The following CHMP2B variants were observed in gnomAD, a reference collection of about 807,000 sequenced individuals.
CHMP2B encodes VPS2 homolog B.
Under a neutral mutation model 29.8 loss-of-function variants are expected in CHMP2B, and 22 were observed. The ratio of observed to expected loss-of-function variants is 0.74; its 90% confidence interval spans 0.53 to 1.05. The LOEUF (loss-of-function observed/expected upper bound fraction) is 1.05. Ranked by LOEUF, CHMP2B falls within the 50% of genes least tolerant of loss-of-function variation. The probability of loss-of-function intolerance (pLI) is 0.00; values close to 1 mark genes in which losing one functional copy is unlikely to be tolerated. For missense variants in CHMP2B, 261 were observed against 252.2 expected (o/e 1.03, Z -0.24); for synonymous variants, 78 against 75.8 (o/e 1.03, Z -0.15).
chr3:87,249,844 A>C (rs1221370731), intron 3 of CHMP2B, 31 bp from the exon 4 acceptor site: 1 of 1,337,086 alleles, frequency 7.5e-7, no homozygotes, highest in Admixed American at 1.7e-5. Context: ...TAATTATGGA[A>C]GTAACATGAA....
At chr3:87,231,197 T>C (rs563759352) in intron 1 of CHMP2B, among the ~76,000 whole-genome samples, 1 of 152,130 alleles carries the variant, frequency 6.6e-6, no homozygotes, top group Admixed American at 6.6e-5. Flanking sequence ...TATCCAACAA[T>C]TTGCTGAATA....
At chr3:87,248,333 ATT>A (rs1559609913) in intron 3 of CHMP2B, among the ~76,000 whole-genome samples, 1 of 150,522 alleles carries the variant, frequency 6.6e-6, no homozygotes, top group Non-Finnish European at 1.5e-5. Context: ...TTCGGTATAC[ATT>A]TTGTTTCTCA....
chr3:87,234,324 A>C (rs1251927748), intron 1 of CHMP2B, among the ~76,000 whole-genome samples: 1 of 152,066 alleles, frequency 6.6e-6, no homozygotes, highest in Non-Finnish European at 1.5e-5. Context: ...TTTTGTAAGC[A>C]GATAAACCAT....
chr3:87,240,658 T>C (rs760532748), intron 1 of CHMP2B, 41 bp from the exon 2 acceptor site: 1 of 1,358,504 alleles, frequency 7.4e-7, no homozygotes, highest in Non-Finnish European at 1.1e-6. Flanking sequence ...ATTGAAAATT[T>C]TACAACCCAT....
chr3:87,250,041 C>T, intron 4 of CHMP2B, 64 bp downstream of exon 4: 1 of 963,466 alleles, frequency 1.0e-6, no homozygotes, highest in Non-Finnish European at 1.6e-6. Flanking sequence ...CATTTATTTA[C>T]TATGTCTCAT....
In CHMP2B at chr3:87,255,431, G is replaced by C. The variant is rs1352991672; in HGVS notation, c.*1609G>C. On this transcript the variant is annotated 3_prime_UTR_variant, in exon 6 of 6. Coordinates refer to ENST00000263780, the MANE Select transcript of CHMP2B (RefSeq NM_014043.4). Reference sequence around the variant, plus strand: ...TTTACGTTCTTGTTTACATGTGGGAGCTTTTGTTTTCAAAAATTATTTTGT... The same window carrying C: ...TTTACGTTCTTGTTTACATGTGGGACCTTTTGTTTTCAAAAATTATTTTGT... 6.6e-6 allele frequency: 1 copy of C among 152,224 alleles called. No homozygotes were observed. The highest frequency in any genetic ancestry group is 1.9e-4 in the East Asian group (1 of 5,184). 9.4% of individuals were successfully genotyped at this position (152,224 alleles called of 1,614,324 possible).
intron 2 of CHMP2B, among the ~76,000 whole-genome samples, chr3:87,243,907 G>C (rs1167651349): frequency 6.6e-6 from 1 of 150,568 alleles, no homozygotes. Flanking sequence ...TCATCAGCCT[G>C]GCTAGTGGTT....
At chr3:87,249,070 G>A (rs974163383) in intron 3 of CHMP2B, among the ~76,000 whole-genome samples, 5 of 152,068 alleles carry the variant, frequency 3.3e-5, no homozygotes, top group Admixed American at 1.3e-4. Context: ...AAACCTAGGT[G>A]ATACAGCCTA....
At chr3:87,231,001 T>TA (rs1575961740) in intron 1 of CHMP2B, among the ~76,000 whole-genome samples, 1 of 152,134 alleles carries the variant, frequency 6.6e-6, no homozygotes, top group Non-Finnish European at 1.5e-5. Context: ...TGTATTTATT[T>TA]TTTTTTCTTT....
intron 4 of CHMP2B, among the ~76,000 whole-genome samples, chr3:87,251,996 A>G (rs1706320863): frequency 6.6e-6 from 1 of 151,938 alleles, no homozygotes; most frequent in South Asian, 2.1e-4. Flanking sequence ...GAGCATATTG[A>G]CTAAATTCCT....
rs149380040 is a variant in CHMP2B at position 87,253,761 on chromosome 3, C to T, written c.581C>T (p.Ser194Leu). 188 of 1,612,428 alleles carry T rather than the reference C, an allele frequency of 1.2e-4. No homozygotes were observed. Among genetic ancestry groups the T allele is most frequent in the Non-Finnish European group, 1.3e-4 (159 of 1,178,854 alleles). ...CGAAGCTTACCATCTGCCTCTACTT[C>T]AAAGGCTACAATCTCAGATGAAGAG... Reference protein sequence around the residue: ...AARSLPSASTSKATISDEEIE... With the variant: ...AARSLPSASTLKATISDEEIE... Residue 194 changes from serine (S) to leucine (L), a missense_variant, in exon 6 of 6, where the codon TCA becomes TTA. Transcript: ENST00000263780.
At position 87,253,914 on chromosome 3, in the gene CHMP2B, C is replaced by CAAA; in HGVS notation, c.*104_*106dup. On this transcript the variant is annotated 3_prime_UTR_variant, in exon 6 of 6. Coordinates refer to ENST00000263780, the MANE Select transcript of CHMP2B (RefSeq NM_014043.4). ...TCTTTTACAAAACACATGTATTTTGCAAAAAAAAAAAAAATGAAGACCATG... is the reference window on the plus strand; with the variant it reads ...TCTTTTACAAAACACATGTATTTTGCAAAAAAAAAAAAAAAAATGAAGACCATG... 8.3e-6 allele frequency: 5 copies of CAAA among 601,754 alleles called. No individual in the cohort carries two copies. The highest frequency in any genetic ancestry group is 4.5e-4 in the Middle Eastern group (1 of 2,216). 37.3% of individuals were successfully genotyped at this position (601,754 alleles called of 1,614,324 possible).
At position 87,245,805 on chromosome 3, in the gene CHMP2B, C is replaced by T. The variant is rs192188850; in HGVS notation, c.218C>T (p.Thr73Met). ...KQLVHLRKQK[T>M]RTFAVSSKVT... The stretch of plus-strand genomic sequence containing the variant: ...CTTGTGCATCTACGGAAACAGAAGA[C>T]GAGAACTTTTGCTGTAAGTTCAAAA... The change falls in exon 3 of 6, where the codon ACG (threonine) becomes ATG (methionine). Residue 73 changes from threonine (T) to methionine (M), a missense_variant. Physicochemically the swap from Thr to Met is moderately conservative, Grantham distance 81. Coordinates refer to ENST00000263780, the MANE Select transcript of CHMP2B (RefSeq NM_014043.4). 4.2e-5 allele frequency: 68 copies of T among 1,613,712 alleles called. No individual in the cohort carries two copies. The Admixed American group carries it at 5.3e-4, about 13-fold the overall frequency.
At chr3:87,250,234 A>G (rs1194441911) in intron 4 of CHMP2B, among the ~76,000 whole-genome samples, 1 of 152,008 alleles carries the variant, frequency 6.6e-6, no homozygotes, top group East Asian at 1.9e-4. Flanking sequence ...AATTCATGAT[A>G]TAAGTCAAGC....
intron 4 of CHMP2B, among the ~76,000 whole-genome samples, chr3:87,252,789 CA>C (rs916501891): frequency 2.6e-5 from 4 of 151,890 alleles, no homozygotes; most frequent in African/African-American, 9.7e-5. Flanking sequence ...TGCTTCCCCA[CA>C]ACTCAACATG....
At chr3:87,237,148 G>A (rs1485405505) in intron 1 of CHMP2B, among the ~76,000 whole-genome samples, 2 of 152,132 alleles carry the variant, frequency 1.3e-5, no homozygotes, top group Admixed American at 6.5e-5. Flanking sequence ...ACAGGGAAAT[G>A]AGAGCATTTT....
chr3:87,249,861 A>G lies in CHMP2B; in HGVS notation c.322-14A>G, dbSNP rs1706282911. 3 of 1,499,394 alleles carry G rather than the reference A, an allele frequency of 2.0e-6. No individual in the cohort carries two copies. Among genetic ancestry groups the G allele is most frequent in the Non-Finnish European group, 2.8e-6 (3 of 1,078,950 alleles). 92.9% of individuals were successfully genotyped at this position (1,499,394 alleles called of 1,614,324 possible). A position where few individuals can be genotyped will look rare whatever the true frequency, so the allele number is the denominator to read the frequency against. ...ATTATGGAAGTAACATGAATCTTGT[A>G]AATACATTTAAAGACAATGCAGGCA... On this transcript the variant is annotated splice_polypyrimidine_tract_variant and intron_variant, in intron 3 of 5. Transcript: ENST00000263780.
At chr3:87,252,333 A>G (rs150655089) in intron 4 of CHMP2B, among the ~76,000 whole-genome samples, 371 of 151,986 alleles carry the variant, frequency 2.4e-3, no homozygotes, top group African/African-American at 8.4e-3. Context: ...GACATTCCCC[A>G]GATACCAGGA....
At chr3:87,233,450 G>GT (rs975685688) in intron 1 of CHMP2B, among the ~76,000 whole-genome samples, 37 of 151,420 alleles carry the variant, frequency 2.4e-4, no homozygotes, top group South Asian at 6.3e-4. Context: ...TATTTTTGCA[G>GT]TTTTTTTTTC....
Sources: gnomAD v4.1 joint callset for allele counts (sites outside exome capture counted in the v4.1 genomes callset) on GRCh38, gnomAD v4.1.1 for gene constraint, MANE v1.5 for transcripts, NCBI Gene and HGNC (gene_info 2026-07-23, HGNC 2026-07-21) for gene names.